The following SYT16 variants were observed in gnomAD, a reference collection of about 807,000 sequenced individuals.
SYT16 encodes synaptotagmin-16.
Under a neutral mutation model 61.4 loss-of-function variants are expected in SYT16, and 42 were observed. That is an observed-to-expected ratio of 0.68 (90% CI 0.53 to 0.89). The LOEUF is 0.89. Among genes scored for constraint, SYT16 ranks in the 40% least tolerant of loss-of-function variants. SYT16 has a pLI of 0.00. For synonymous variants in SYT16, 314 were observed against 302.3 expected (o/e 1.04, Z -0.40); for missense variants, 804 against 807.3 (o/e 1.00, Z 0.05).
intron 1 of SYT16, among the ~76,000 whole-genome samples, chr14:61,839,129 T>C (rs1050699861): frequency 3.9e-5 from 6 of 152,182 alleles, no homozygotes; most frequent in Middle Eastern, 3.2e-3. Context: ...TGCTGTAGTC[T>C]AAATGTGCCC....
chr14:61,829,129 G>A (rs763600014), intron 1 of SYT16, among the ~76,000 whole-genome samples: 6 of 152,154 alleles, frequency 3.9e-5, no homozygotes, highest in Non-Finnish European at 7.3e-5. Context: ...CTACTATTTA[G>A]TGTTGTATTT....
chr14:61,868,848 T>C (rs1041257655), intron 1 of SYT16, among the ~76,000 whole-genome samples: 14 of 152,188 alleles, frequency 9.2e-5, no homozygotes, highest in Middle Eastern at 3.4e-3. Flanking sequence ...AATTTCTGTC[T>C]ACTTTTTCTA....
chr14:62,025,120 G>T (rs1202497100), intron 3 of SYT16, among the ~76,000 whole-genome samples: 1 of 152,008 alleles, frequency 6.6e-6, no homozygotes, highest in Non-Finnish European at 1.5e-5. Context: ...TTGTGTAGAC[G>T]TGTTTTCAAT....
chr14:61,904,357 G>A (rs1346174040), intron 1 of SYT16, among the ~76,000 whole-genome samples: 5 of 152,218 alleles, frequency 3.3e-5, no homozygotes, highest in African/African-American at 7.2e-5. Context: ...GCAGATGCCA[G>A]CTTCCTTTCA....
intron 1 of SYT16, among the ~76,000 whole-genome samples, chr14:61,886,716 ACTT>A (rs1401095520): frequency 2.0e-5 from 3 of 152,224 alleles, no homozygotes; most frequent in Non-Finnish European, 4.4e-5. Context: ...GTTGAAATCA[ACTT>A]CTTCCAAACT....
intron 3 of SYT16, among the ~76,000 whole-genome samples, chr14:61,996,894 T>G (rs1246237692): frequency 2.0e-5 from 3 of 152,072 alleles, no homozygotes; most frequent in Admixed American, 2.0e-4. Context: ...TTTCTAGATG[T>G]TACTATATTA....
chr14:61,963,092 G>T (rs920775592), intron 1 of SYT16, among the ~76,000 whole-genome samples: 1 of 152,062 alleles, frequency 6.6e-6, no homozygotes, highest in African/African-American at 2.4e-5. Context: ...CTGACCAGTT[G>T]TTCCTCCATC....
intron 1 of SYT16, among the ~76,000 whole-genome samples, chr14:61,965,461 C>G (rs1404557575): frequency 6.6e-6 from 1 of 152,132 alleles, no homozygotes; most frequent in Non-Finnish European, 1.5e-5. Flanking sequence ...TAACCTCTCT[C>G]TAACTGAACT....
At chr14:62,067,249 C>T (rs1185725000) in intron 3 of SYT16, among the ~76,000 whole-genome samples, 1 of 152,120 alleles carries the variant, frequency 6.6e-6, no homozygotes, top group East Asian at 1.9e-4. Context: ...TATTGAGAGA[C>T]ATCAGTTAAC....
In SYT16 at chr14:62,044,153, T is replaced by C. The variant is rs1009269422; in HGVS notation, c.524-25450T>C. On this transcript the variant is annotated intron_variant, in intron 3 of 7. Transcript: ENST00000683842. ...AGTTTGAGGCTGCAGTGAGCTATGA[T>C]TGTACCACTGCACTCCAGCCTGGGT... 1.2e-4 allele frequency among the ~76,000 whole-genome samples: 18 copies of C among 151,838 alleles called. No individual in the cohort carries two copies. In the South Asian group the frequency reaches 1.7e-3, roughly 14 times the overall value.
Position 62,102,850 on chromosome 14 carries a change from C to T in SYT16, c.*2143C>T, listed in dbSNP as rs2057447549. The T allele has an allele frequency of 6.6e-6, 1 of 152,138 alleles. No homozygotes were observed. The highest frequency in any genetic ancestry group is 1.5e-5 in the Non-Finnish European group (1 of 68,032). 9.4% of individuals were successfully genotyped at this position (152,138 alleles called of 1,614,324 possible). On this transcript the variant is annotated 3_prime_UTR_variant, in exon 8 of 8. Transcript: ENST00000683842. ...TACTTCATTTTCTGTTCCCAAGACC[C>T]ACCCATTTTTAAGGTTTTCGGCTGG... is the stretch of plus-strand genomic sequence containing the variant.
chr14:61,826,913 T>C (rs1269249423), intron 1 of SYT16, among the ~76,000 whole-genome samples: 1 of 151,998 alleles, frequency 6.6e-6, no homozygotes, highest in Admixed American at 6.5e-5. Context: ...TGGCACCTTC[T>C]TTCCGTGTCC....
intron 1 of SYT16, among the ~76,000 whole-genome samples, chr14:61,957,204 AT>A (rs1000238033): frequency 3.6e-5 from 2 of 55,424 alleles, no homozygotes; most frequent in East Asian, 2.3e-3. Context: ...GTTTTTTATT[AT>A]TTTTTTTAAG....
At position 62,081,067 on chromosome 14, in the gene SYT16, G is replaced by C; in HGVS notation, c.1227G>C (p.Gly409=). 1 of 1,613,680 alleles carries C rather than the reference G, an allele frequency of 6.2e-7. No homozygotes were observed. The highest frequency in any genetic ancestry group is 8.5e-7 in the Non-Finnish European group (1 of 1,179,768). Residue 409 remains glycine (G), a synonymous_variant, in exon 6 of 8, where the codon GGG becomes GGC. Transcript: ENST00000683842. ...GGGGCAGGACGAACATACAGAGAGG[G>C]CCCAACCCCGTCTTCAGGGAGAAGG... ...KHRGRTNIQR[G]PNPVFREKVT... is the part of the protein sequence containing the mutation.
chr14:62,052,874 G>C (rs997184326), intron 3 of SYT16, among the ~76,000 whole-genome samples: 2 of 152,158 alleles, frequency 1.3e-5, no homozygotes, highest in Non-Finnish European at 2.9e-5. Context: ...CTAGCCTCAA[G>C]AACTATAAGA....
At chr14:61,842,346 C>T (rs1296826190) in intron 1 of SYT16, among the ~76,000 whole-genome samples, 1 of 152,156 alleles carries the variant, frequency 6.6e-6, no homozygotes, top group Non-Finnish European at 1.5e-5. Context: ...CTCTGATAGC[C>T]AGCCACCCTT....
intron 1 of SYT16, among the ~76,000 whole-genome samples, chr14:61,959,813 G>A (rs1413331543): frequency 2.6e-5 from 4 of 151,868 alleles, no homozygotes; most frequent in Admixed American, 2.6e-4. Flanking sequence ...AGGTCTAATG[G>A]TGGTGCACTA....
intron 2 of SYT16, among the ~76,000 whole-genome samples, chr14:61,980,398 C>T (rs765098666): frequency 1.7e-4 from 26 of 152,132 alleles, no homozygotes; most frequent in Non-Finnish European, 3.1e-4. Flanking sequence ...CTTGATATAT[C>T]TCATGGCAAT....
intron 3 of SYT16, among the ~76,000 whole-genome samples, chr14:62,027,364 C>T (rs1270121905): frequency 6.6e-6 from 1 of 152,110 alleles, no homozygotes; most frequent in Admixed American, 6.6e-5. Flanking sequence ...AGAAGTAGAG[C>T]CCAAGAAGAG....
Sources: gnomAD v4.1 joint callset for allele counts (sites outside exome capture counted in the v4.1 genomes callset) on GRCh38, gnomAD v4.1.1 for gene constraint, MANE v1.5 for transcripts, NCBI Gene and HGNC (gene_info 2026-07-23, HGNC 2026-07-21) for gene names.